ST7L: variants seen among roughly 807,000 people sequenced by gnomAD.
The protein encoded by ST7L is suppression of tumorigenicity 7 like, also known as suppressor of tumorigenicity 7 protein-like.
ST7L carries 57 observed loss-of-function variants against 72.5 expected under a neutral mutation model. The observed-to-expected ratio is 0.79, with a 90% confidence interval of 0.64 to 0.98. The LOEUF is 0.98. ST7L is among the 50% of genes least tolerant of loss of function. The pLI is 0.00. For synonymous variants in ST7L, 221 were observed against 240.9 expected (o/e 0.92, Z 0.77); for missense variants, 576 against 672.2 (o/e 0.86, Z 1.58).
At chr1:112,546,221 A>T (rs1657019631) in intron 13 of ST7L, among the ~76,000 whole-genome samples, 1 of 148,202 alleles carries the variant, frequency 6.7e-6, no homozygotes, top group South Asian at 2.2e-4. Flanking sequence ...CAGGAGGCAG[A>T]GTGGGGAGGA....
chr1:112,593,108 T>C (rs1665944905), intron 5 of ST7L, among the ~76,000 whole-genome samples: 1 of 152,200 alleles, frequency 6.6e-6, no homozygotes, highest in Non-Finnish European at 1.5e-5. Context: ...CTGAAACTTA[T>C]TTTCATTTGT....
intron 12 of ST7L, among the ~76,000 whole-genome samples, chr1:112,555,230 A>T (rs1367875872): frequency 6.6e-6 from 1 of 151,582 alleles, no homozygotes; most frequent in Non-Finnish European, 1.5e-5. Context: ...AAACAAAAAG[A>T]CCAATTTTTA....
rs1028706375 is a variant in ST7L at position 112,524,655 on chromosome 1, G to C, written c.*1358C>G. ...CCACTTGGGAACTGCCTGCTACTAC[G>C]GGGGTTGGGCATCTTTGAAGCAATG... On this transcript the variant is annotated 3_prime_UTR_variant, in exon 15 of 15. Coordinates refer to ENST00000358039, the MANE Select transcript of ST7L (RefSeq NM_017744.5). 6.6e-6 allele frequency: 1 copy of C among 152,536 alleles called. No homozygotes were observed. Among genetic ancestry groups the C allele is most frequent in the Non-Finnish European group, 1.5e-5 (1 of 68,068 alleles). 9.4% of individuals were successfully genotyped at this position (152,536 alleles called of 1,614,324 possible).
chr1:112,616,140 T>C (rs1669838522), intron 2 of ST7L, among the ~76,000 whole-genome samples: 2 of 152,206 alleles, frequency 1.3e-5, no homozygotes, highest in African/African-American at 4.8e-5. Flanking sequence ...AGAAGGGGCA[T>C]GCACTGTCCA....
intron 14 of ST7L, among the ~76,000 whole-genome samples, chr1:112,530,478 G>A (rs535417344): frequency 2.5e-4 from 38 of 152,260 alleles, no homozygotes; most frequent in African/African-American, 9.1e-4. Flanking sequence ...GCAGTGGCGT[G>A]ATCTTGGCTC....
At chr1:112,550,744 C>A in intron 12 of ST7L, 51 bp from the exon 13 acceptor site, 1 of 1,446,220 alleles carries the variant, frequency 6.9e-7, no homozygotes, top group South Asian at 1.2e-5. Flanking sequence ...CATTTACCAT[C>A]CTATATTTGG....
At chr1:112,580,477 C>T (rs1173128297) in intron 9 of ST7L, among the ~76,000 whole-genome samples, 2 of 152,074 alleles carry the variant, frequency 1.3e-5, no homozygotes, top group Non-Finnish European at 2.9e-5. Flanking sequence ...CATGTGTTCT[C>T]GTATAGTGAA....
At chr1:112,552,202 T>A (rs1342670640) in intron 12 of ST7L, among the ~76,000 whole-genome samples, 2 of 152,086 alleles carry the variant, frequency 1.3e-5, no homozygotes, top group Non-Finnish European at 2.9e-5. Context: ...CACAAAGGCA[T>A]GGGAATATCT....
At chr1:112,595,113 C>A (rs1666255668) in intron 5 of ST7L, among the ~76,000 whole-genome samples, 1 of 151,828 alleles carries the variant, frequency 6.6e-6, no homozygotes, top group African/African-American at 2.4e-5. Flanking sequence ...CGCCTGTAAT[C>A]CTAGCAATTT....
intron 14 of ST7L, chr1:112,540,591 G>C (rs955828358): frequency 2.0e-6 from 2 of 985,286 alleles, no homozygotes; most frequent in Non-Finnish European, 2.4e-6. Flanking sequence ...TACAGCCAGT[G>C]GCAACTTAAC....
intron 2 of ST7L, among the ~76,000 whole-genome samples, chr1:112,615,448 T>C (rs1184055981): frequency 6.6e-6 from 1 of 152,178 alleles, no homozygotes; most frequent in Non-Finnish European, 1.5e-5. Flanking sequence ...ATGAGGAAAC[T>C]GGGGCTTGAA....
At chr1:112,619,366 T>G (rs567696653), upstream of ST7L, 4 of 577,022 alleles carry the variant, frequency 6.9e-6, no homozygotes, top group Non-Finnish European at 1.2e-5. Flanking sequence ...GACCCCGAAG[T>G]GTTACCGCTT....
At chr1:112,595,850 T>C (rs1666403108) in intron 5 of ST7L, among the ~76,000 whole-genome samples, 3 of 152,372 alleles carry the variant, frequency 2.0e-5, no homozygotes, top group South Asian at 4.1e-4. Flanking sequence ...ACATTCTCTA[T>C]GATTATTTAA....
chr1:112,570,851 T>C (rs1661987252), intron 11 of ST7L: 1 of 439,864 alleles, frequency 2.3e-6, no homozygotes, highest in African/African-American at 2.0e-5. Flanking sequence ...GTTGGTGAAG[T>C]TTAAAACTTC....
At chr1:112,538,466 C>T (rs535697721) in intron 14 of ST7L, among the ~76,000 whole-genome samples, 2 of 152,184 alleles carry the variant, frequency 1.3e-5, no homozygotes, top group South Asian at 4.1e-4. Flanking sequence ...TTTTAGCCCC[C>T]TGAATAGCTG....
intron 13 of ST7L, among the ~76,000 whole-genome samples, chr1:112,545,065 A>G (rs959599553): frequency 4.6e-5 from 7 of 152,196 alleles, no homozygotes. Context: ...GAATGCGGTA[A>G]GTCATATCAA....
intron 4 of ST7L, among the ~76,000 whole-genome samples, chr1:112,599,295 A>T (rs1285107464): frequency 6.6e-6 from 1 of 151,782 alleles, no homozygotes; most frequent in Non-Finnish European, 1.5e-5. Context: ...GGCATCTTTC[A>T]TAAAAGCCTG....
intron 2 of ST7L, among the ~76,000 whole-genome samples, 193 bp from the exon 3 acceptor site, chr1:112,611,196 T>G (rs1288754233): frequency 2.0e-5 from 3 of 152,238 alleles, no homozygotes; most frequent in African/African-American, 7.2e-5. Flanking sequence ...TTTTTATAGT[T>G]CCGTCATAAA....
At chr1:112,609,890 C>T (rs1191414841) in intron 3 of ST7L, among the ~76,000 whole-genome samples, 1 of 152,132 alleles carries the variant, frequency 6.6e-6, no homozygotes. Flanking sequence ...AAAAGTATGA[C>T]AATGGAATAT....
Sources: gnomAD v4.1 joint callset for allele counts (sites outside exome capture counted in the v4.1 genomes callset) on GRCh38, gnomAD v4.1.1 for gene constraint, MANE v1.5 for transcripts, NCBI Gene and HGNC (gene_info 2026-07-23, HGNC 2026-07-21) for gene names.